The following ASPA variants were observed in gnomAD, a reference collection of about 807,000 sequenced individuals.
ASPA encodes the protein aspartoacylase, also known as ACY-2.
A neutral mutation model predicts 29.6 loss-of-function variants in ASPA; 25 were observed. The observed-to-expected ratio is 0.85, with a 90% CI of 0.62 to 1.18. The LOEUF is 1.18. Among genes scored for constraint, ASPA ranks in the 50% most tolerant of loss-of-function variants. The pLI is 0.00. For synonymous variants in ASPA, 131 were observed against 130.3 expected (o/e 1.01, Z -0.04); for missense variants, 333 against 385.7 (o/e 0.86, Z 1.14).
chr17:3,479,039 A>G (rs2073581796), intron 1 of ASPA, among the ~76,000 whole-genome samples: 1 of 152,222 alleles, frequency 6.6e-6, no homozygotes, highest in Non-Finnish European at 1.5e-5. Flanking sequence ...CCTTCCTGTC[A>G]TCTATTTTCC....
chr17:3,484,214 T>C (rs1388703992), intron 3 of ASPA, among the ~76,000 whole-genome samples: 1 of 152,182 alleles, frequency 6.6e-6, no homozygotes, highest in Non-Finnish European at 1.5e-5. Context: ...GACCCTCCTC[T>C]ATAGCATTAA....
In ASPA at chr17:3,500,147, G is replaced by T. The variant is rs1190701104; in HGVS notation, c.*1059G>T. ...GAAGGCTGAGAGAGGTGAGGAAGCT[G>T]CAGGAAGCTGGGAGAGGTTGGTTCA... On this transcript the variant is annotated 3_prime_UTR_variant, in exon 6 of 6. Transcript: ENST00000263080. The T allele has an allele frequency of 3.3e-5, 5 of 152,264 alleles. No homozygotes were observed. Among genetic ancestry groups the T allele is most frequent in the Admixed American group, 3.3e-4 (5 of 15,284 alleles). The allele number at this position is 152,264 out of a possible 1,614,324, so 9.4% of individuals were successfully genotyped here.
At chr17:3,492,253 T>A (rs889305368) in intron 4 of ASPA, among the ~76,000 whole-genome samples, 2 of 152,246 alleles carry the variant, frequency 1.3e-5, no homozygotes, top group Non-Finnish European at 2.9e-5. Context: ...GAAGTCATCT[T>A]CTGCATCTGT....
chr17:3,492,206 G>A (rs1430544870), intron 4 of ASPA, among the ~76,000 whole-genome samples: 1 of 152,172 alleles, frequency 6.6e-6, no homozygotes, highest in African/African-American at 2.4e-5. Context: ...AAAAAGCTGA[G>A]CAGCAATGAA....
chr17:3,484,939 G>A (rs1251361258), intron 3 of ASPA, among the ~76,000 whole-genome samples: 7 of 152,018 alleles, frequency 4.6e-5, no homozygotes, highest in African/African-American at 9.7e-5. Context: ...GGCTGATAAT[G>A]TATGCTTACT....
intron 4 of ASPA, among the ~76,000 whole-genome samples, chr17:3,492,248 C>A (rs2073838200): frequency 6.6e-6 from 1 of 152,186 alleles, no homozygotes; most frequent in Non-Finnish European, 1.5e-5. Context: ...TGTAAGAAGT[C>A]ATCTTCTGCA....
chr17:3,481,577 C>T, intron 1 of ASPA, 26 bp from the exon 2 acceptor site: 3 of 1,596,458 alleles, frequency 1.9e-6, no homozygotes, highest in Non-Finnish European at 2.6e-6. Context: ...AGATGTTGTT[C>T]ATCTTTTTCT....
At position 3,485,221 on chromosome 17, in the gene ASPA, A is replaced by C. The variant is rs1349019160; in HGVS notation, c.526+1629A>C. ...TTTGTAGAGACAGGATCTCAGTATG[A>C]TCAGGTCTCAAACTCCTGATTCAAG... is the stretch of plus-strand genomic sequence containing the variant. On this transcript the variant is annotated intron_variant, in intron 3 of 5. Coordinates refer to ENST00000263080, the MANE Select transcript of ASPA (RefSeq NM_000049.4). The surrounding 1 kb of genome is among the most constrained non-coding windows in gnomAD (Gnocchi z 4.4). Among the ~76,000 whole-genome samples, 1 of 151,988 alleles carries C rather than the reference A, an allele frequency of 6.6e-6. No individual in the cohort carries two copies. The highest frequency in any genetic ancestry group is 1.5e-5 in the Non-Finnish European group (1 of 68,004).
intron 1 of ASPA, among the ~76,000 whole-genome samples, chr17:3,480,542 G>A (rs1176709678): frequency 1.3e-5 from 2 of 152,180 alleles, no homozygotes; most frequent in Non-Finnish European, 2.9e-5. Flanking sequence ...TCAACTCAGG[G>A]TTTACAAAAT....
chr17:3,497,271 G>T (rs562780486), intron 5 of ASPA, among the ~76,000 whole-genome samples: 50 of 152,222 alleles, frequency 3.3e-4, no homozygotes, highest in African/African-American at 1.1e-3. Context: ...TCTGGGGCAA[G>T]TCTCTGCCTG....
At position 3,481,801 on chromosome 17, in the gene ASPA, A is replaced by T; in HGVS notation, c.432+3A>T. 6.3e-7 allele frequency: 1 copy of T among 1,583,078 alleles called. No homozygotes were observed. Among genetic ancestry groups the T allele is most frequent in the Non-Finnish European group, 8.6e-7 (1 of 1,157,800 alleles). On this transcript the variant is annotated splice_donor_region_variant and intron_variant, in intron 2 of 5. Coordinates refer to ENST00000263080, the MANE Select transcript of ASPA (RefSeq NM_000049.4). ...TTCAGATGTTTCATTACATTAAGGT[A>T]ATGTTAATGTTATTAATTTATAAGT...
At position 3,483,584 on chromosome 17, in the gene ASPA, A is replaced by T; in HGVS notation, c.518A>T (p.Tyr173Phe). The T allele has an allele frequency of 1.9e-6, 3 of 1,612,398 alleles. No homozygotes were observed. Among genetic ancestry groups the T allele is most frequent in the Non-Finnish European group, 2.5e-6 (3 of 1,178,378 alleles). Residue 173 changes from tyrosine (Y) to phenylalanine (F), a missense_variant, in exon 3 of 6, where the codon TAT becomes TTT. Transcript: ENST00000263080. Reference protein sequence around the residue: ...KYATTRSIAKYPVGIEVGPQP... With the variant: ...KYATTRSIAKFPVGIEVGPQP... ...GCGACCACTCGTTCCATAGCCAAGT[A>T]TCCTGTGGGTAAGTCATAGTTCCCA...
intron 1 of ASPA, among the ~76,000 whole-genome samples, chr17:3,479,257 T>G (rs1234723167): frequency 6.6e-6 from 1 of 152,228 alleles, no homozygotes; most frequent in African/African-American, 2.4e-5. Context: ...AGTGTCCATC[T>G]TTTTGAAAAC....
intron 3 of ASPA, among the ~76,000 whole-genome samples, chr17:3,486,282 C>T (rs941488662): frequency 6.6e-6 from 1 of 152,162 alleles, no homozygotes; most frequent in Non-Finnish European, 1.5e-5. Flanking sequence ...GCCCTTTGCT[C>T]CAGGGAAGAC....
chr17:3,483,305 A>C (rs901581040), intron 2 of ASPA, among the ~76,000 whole-genome samples, 194 bp from the exon 3 acceptor site: 1 of 152,146 alleles, frequency 6.6e-6, no homozygotes, highest in Non-Finnish European at 1.5e-5. Context: ...ATTGTATATG[A>C]ATTTCATATT....
rs1362653838 is a variant in ASPA at position 3,502,950 on chromosome 17, T to G, written c.*3862T>G. 5 of 152,148 alleles carry G rather than the reference T, an allele frequency of 3.3e-5. No homozygotes were observed. Among genetic ancestry groups the G allele is most frequent in the South Asian group, 4.1e-4 (2 of 4,826 alleles). The allele number at this position is 152,148 out of a possible 1,614,324, so 9.4% of individuals were successfully genotyped here. A position where few individuals can be genotyped will look rare whatever the true frequency, so the allele number is the denominator to read the frequency against. On this transcript the variant is annotated 3_prime_UTR_variant, in exon 6 of 6. Coordinates refer to ENST00000263080, the MANE Select transcript of ASPA (RefSeq NM_000049.4). ...ATAGAAATGTGACCCACAGCTATGGTTTGCAAATACAGTCTTTCAAGAAGT... is the reference window on the plus strand; with the variant it reads ...ATAGAAATGTGACCCACAGCTATGGGTTGCAAATACAGTCTTTCAAGAAGT...
chr17:3,492,941 C>G (rs557495695), intron 4 of ASPA, among the ~76,000 whole-genome samples: 2 of 152,184 alleles, frequency 1.3e-5, no homozygotes, highest in African/African-American at 4.8e-5. Flanking sequence ...TTTGAAGCCA[C>G]TAAATTCTGG....
chr17:3,490,092 TA>T lies in ASPA; in HGVS notation c.634+751del, dbSNP rs2073798517. 6.6e-6 allele frequency among the ~76,000 whole-genome samples: 1 copy of T among 152,134 alleles called. No individual in the cohort carries two copies. The highest frequency in any genetic ancestry group is 1.5e-5 in the Non-Finnish European group (1 of 68,020). On this transcript the variant is annotated intron_variant, in intron 4 of 5. Coordinates refer to ENST00000263080, the MANE Select transcript of ASPA (RefSeq NM_000049.4). The surrounding 1 kb of genome is among the most constrained non-coding windows in gnomAD (Gnocchi z 4.6). ...AATAACAATAATAATCATCACCTTC[TA>T]GGATACATATATATGTTAACACATC...
At chr17:3,493,826 C>G (rs980199028) in intron 4 of ASPA, among the ~76,000 whole-genome samples, 1 of 152,078 alleles carries the variant, frequency 6.6e-6, no homozygotes, top group African/African-American at 2.4e-5. Context: ...CTCAAACTGG[C>G]TTTTTCAGTT....
Sources: allele counts gnomAD v4.1 joint callset (sites outside exome capture counted in the v4.1 genomes callset), GRCh38; gene constraint gnomAD v4.1.1; non-coding constraint Gnocchi (gnomAD v3.1); transcripts MANE v1.5; gene names NCBI Gene and HGNC (gene_info 2026-07-23, HGNC 2026-07-21).